Variants in BTG4 observed in about 807,000 individuals in gnomAD.
The protein encoded by BTG4 is protein BTG4.
Under a neutral mutation model 19.3 loss-of-function variants are expected in BTG4, and 10 were observed. The observed-to-expected ratio is 0.52, with a 90% CI of 0.32 to 0.88. The LOEUF is 0.88. Among genes scored for constraint, BTG4 ranks in the 40% least tolerant of loss-of-function variants. The probability of loss-of-function intolerance (pLI) is 0.04; values close to 1 mark genes in which losing one functional copy is unlikely to be tolerated. For synonymous variants in BTG4, 91 were observed against 95.7 expected (o/e 0.95, Z 0.29); for missense variants, 238 against 281.9 (o/e 0.84, Z 1.11).
the BTG4 span, among the ~76,000 whole-genome samples, chr11:111,443,648 C>A: frequency 2.0e-5 from 3 of 152,148 alleles, no homozygotes; most frequent in Admixed American, 2.0e-4. Flanking sequence ...TCGTCCCCCA[C>A]CTGTCAGACC....
chr11:111,390,239 T>C, the BTG4 span, among the ~76,000 whole-genome samples: 1 of 152,206 alleles, frequency 6.6e-6, no homozygotes, highest in Non-Finnish European at 1.5e-5. Context: ...CATTCATTCA[T>C]GCACTCATTC....
the BTG4 span, among the ~76,000 whole-genome samples, chr11:111,439,648 A>AC: frequency 2.0e-5 from 3 of 148,202 alleles, no homozygotes; most frequent in African/African-American, 7.5e-5. Flanking sequence ...CCAGACTCAC[A>AC]CCCCCTCTCA....
At chr11:111,480,555 G>C (rs556194871) in intron 5 of BTG4, among the ~76,000 whole-genome samples, 13 of 151,870 alleles carry the variant, frequency 8.6e-5, no homozygotes, top group Non-Finnish European at 1.8e-4. Flanking sequence ...TCATATCCTG[G>C]GGCATAAACA....
chr11:111,385,661 T>A, the BTG4 span: 1 of 152,104 alleles, frequency 6.6e-6, no homozygotes, highest in Non-Finnish European at 1.5e-5. Context: ...ATTCACCACA[T>A]TGATAAACTT....
chr11:111,436,064 T>A, the BTG4 span, among the ~76,000 whole-genome samples: 1 of 152,242 alleles, frequency 6.6e-6, no homozygotes, highest in Non-Finnish European at 1.5e-5. Flanking sequence ...AGATATTATT[T>A]CCATTCTCAT....
chr11:111,473,366 C>G (rs1343122839), intron 5 of BTG4: 1 of 152,566 alleles, frequency 6.6e-6, no homozygotes, highest in Admixed American at 6.6e-5. Flanking sequence ...AAAGCATCCT[C>G]GCTGCAGAAC....
intron 5 of BTG4, among the ~76,000 whole-genome samples, chr11:111,482,731 T>C (rs947037130): frequency 4.6e-5 from 7 of 151,914 alleles, no homozygotes; most frequent in African/African-American, 1.7e-4. Context: ...CTGGAGTAAG[T>C]GGATATTCAT....
At chr11:111,401,340 G>A in the BTG4 span, among the ~76,000 whole-genome samples, 140 of 85,792 alleles carry the variant, frequency 1.6e-3, 1 homozygote, top group African/African-American at 7.5e-3. Context: ...AAAATTAGCC[G>A]GGCGTGGTGG....
chr11:111,401,481 C>CA, the BTG4 span, among the ~76,000 whole-genome samples: 5,028 of 137,860 alleles, frequency 0.036, 125 homozygotes, highest in Middle Eastern at 0.14. Flanking sequence ...GACTCCGTCT[C>CA]AAAAAAAAAA....
At chr11:111,452,828 T>G in the BTG4 span, among the ~76,000 whole-genome samples, 1 of 151,452 alleles carries the variant, frequency 6.6e-6, no homozygotes, top group African/African-American at 2.4e-5. Flanking sequence ...AGGGTGGAGG[T>G]CAGGACAGAC....
intron 5 of BTG4, among the ~76,000 whole-genome samples, chr11:111,483,467 G>A (rs1393723765): frequency 3.3e-5 from 5 of 152,060 alleles, no homozygotes; most frequent in Non-Finnish European, 5.9e-5. Flanking sequence ...AGGAAGCTCA[G>A]CAACATAGAT....
Position 111,495,314 on chromosome 11 carries a change from CCTGG to C in BTG4, c.511-4_511-1del. ...TGAAAGGGCTGTTTCAAGTTTTCAA[CCTGG>C]AAAAAAAAAGTATAAAGATCTCTAA... On this transcript the variant is annotated splice_acceptor_variant and splice_polypyrimidine_tract_variant and intron_variant, in intron 4 of 4. Coordinates refer to ENST00000692032, the MANE Select transcript of BTG4 (RefSeq NM_001367975.1). LOFTEE classifies it high-confidence loss of function. 1.9e-6 allele frequency: 3 copies of C among 1,600,762 alleles called. No homozygotes were observed. The highest frequency in any genetic ancestry group is 2.7e-5 in the African/African-American group (2 of 73,680).
chr11:111,391,468 C>A, the BTG4 span, among the ~76,000 whole-genome samples: 1 of 152,176 alleles, frequency 6.6e-6, no homozygotes, highest in Non-Finnish European at 1.5e-5. Context: ...CTTTTTTTAG[C>A]CACTGGACTC....
chr11:111,446,038 T>C, the BTG4 span, among the ~76,000 whole-genome samples: 7 of 152,112 alleles, frequency 4.6e-5, no homozygotes, highest in African/African-American at 1.7e-4. Flanking sequence ...GCCATGATTA[T>C]AATAGAAACA....
chr11:111,460,932 CT>C, the BTG4 span, among the ~76,000 whole-genome samples: 2 of 152,116 alleles, frequency 1.3e-5, no homozygotes, highest in Admixed American at 6.5e-5. Context: ...ACCTCTCCCC[CT>C]GTCTCTCCCA....
Position 111,474,150 on chromosome 11 carries a change from C to T in BTG4, c.663-6469G>A, listed in dbSNP as rs115082528. Reference sequence around the variant, plus strand: ...CTGACTCCTCCTGGGCCCCAATCCACTTTATTTAAAGTTATTGCCAGTGTC... The same window carrying T: ...CTGACTCCTCCTGGGCCCCAATCCATTTTATTTAAAGTTATTGCCAGTGTC... On this transcript the variant is annotated intron_variant, in intron 5 of 5. Coordinates refer to the BTG4 transcript ENST00000356018. 7.0e-3 allele frequency among the ~76,000 whole-genome samples: 1,068 copies of T among 152,264 alleles called. 17 individuals carry two copies. The highest frequency in any genetic ancestry group is 0.025 in the African/African-American group (1,027 of 41,558).
chr11:111,455,670 A>G, the BTG4 span: 1 of 381,326 alleles, frequency 2.6e-6, no homozygotes. Context: ...TGAAATGGGG[A>G]GGAGAGAATG....
At chr11:111,470,713 C>T (rs623838) in intron 5 of BTG4, among the ~76,000 whole-genome samples, 148,396 of 152,260 alleles carry the variant, frequency 0.97, 72,421 homozygotes, top group Middle Eastern at 1. Context: ...GCCCAGGAGT[C>T]TGAGACCAGC....
chr11:111,436,664 A>G, the BTG4 span, among the ~76,000 whole-genome samples: 4 of 149,866 alleles, frequency 2.7e-5, no homozygotes, highest in South Asian at 8.4e-4. Context: ...AAGGGCTTTC[A>G]CCTAACAGGC....
Sources: allele counts gnomAD v4.1 joint callset (sites outside exome capture counted in the v4.1 genomes callset), GRCh38; gene constraint gnomAD v4.1.1; transcripts MANE v1.5; gene names NCBI Gene and HGNC (gene_info 2026-07-23, HGNC 2026-07-21).